DCBLD2: variants seen among roughly 807,000 people sequenced by gnomAD.
DCBLD2 encodes the protein discoidin, CUB and LCCL domain-containing protein 2.
A neutral mutation model predicts 86.8 loss-of-function variants in DCBLD2; 54 were observed. The ratio of observed to expected loss-of-function variants is 0.62; its 90% CI spans 0.50 to 0.78. The LOEUF is 0.78. Ranked by LOEUF, DCBLD2 falls within the 30% of genes least tolerant of loss-of-function variation. The pLI, the probability that DCBLD2 is intolerant of heterozygous loss-of-function variation, is 0.00. For missense variants in DCBLD2, 908 were observed against 954.2 expected, an observed-to-expected ratio of 0.95 and a Z score of 0.64; for synonymous variants, 354 against 341.3, an observed-to-expected ratio of 1.04 and a Z score of -0.41.
intron 1 of DCBLD2, chr3:98,900,665 TC>T (rs1305574560): frequency 5.4e-6 from 1 of 185,416 alleles, no homozygotes; most frequent in African/African-American, 2.4e-5. Flanking sequence ...CAGAAACTAT[TC>T]CATTCGCTTC....
chr3:98,870,727 A>AAAG (rs1943249327), intron 2 of DCBLD2, among the ~76,000 whole-genome samples: 4 of 84,808 alleles, frequency 4.7e-5, no homozygotes, highest in South Asian at 3.7e-4. Context: ...AAAGGAAAAG[A>AAAG]AAAGAAAGAA....
intron 2 of DCBLD2, among the ~76,000 whole-genome samples, chr3:98,855,433 C>T (rs551866323): frequency 1.6e-3 from 243 of 152,238 alleles, no homozygotes; most frequent in Non-Finnish European, 2.8e-3. Flanking sequence ...CATATGCAAC[C>T]CAGTGACCCA....
At chr3:98,882,791 T>A (rs1943494985) in intron 1 of DCBLD2, among the ~76,000 whole-genome samples, 1 of 152,240 alleles carries the variant, frequency 6.6e-6, no homozygotes, top group Admixed American at 6.5e-5. Flanking sequence ...ATGGTGTATA[T>A]GTGCCACATT....
At chr3:98,864,385 C>T (rs1023621217) in intron 2 of DCBLD2, among the ~76,000 whole-genome samples, 1 of 134,546 alleles carries the variant, frequency 7.4e-6, no homozygotes, top group African/African-American at 2.5e-5. Flanking sequence ...AATCATGTTG[C>T]TGTAAAGGCA....
chr3:98,800,853 CTTTTT>C (rs11374885), intron 14 of DCBLD2, 137 bp from the exon 15 acceptor site: 8 of 842,886 alleles, frequency 9.5e-6, no homozygotes, highest in South Asian at 1.9e-5. Context: ...TATAATCCAA[CTTTTT>C]TTTTTTTTTT....
chr3:98,868,705 T>C (rs1943205598), intron 2 of DCBLD2, among the ~76,000 whole-genome samples: 1 of 152,186 alleles, frequency 6.6e-6, no homozygotes. Context: ...CATATGGTAC[T>C]TGGTTTTCTG....
intron 2 of DCBLD2, among the ~76,000 whole-genome samples, chr3:98,867,750 T>C (rs1435198599): frequency 7.7e-6 from 1 of 130,660 alleles, no homozygotes; most frequent in Non-Finnish European, 1.7e-5. Context: ...AGTAAGGGAA[T>C]CATGGAAAAG....
At chr3:98,865,710 T>TA (rs1553730720) in intron 2 of DCBLD2, among the ~76,000 whole-genome samples, 1 of 151,818 alleles carries the variant, frequency 6.6e-6, no homozygotes, top group East Asian at 1.9e-4. Flanking sequence ...TTTTCTTTTT[T>TA]TATATATATA....
At chr3:98,867,165 G>T (rs1437755930) in intron 2 of DCBLD2, among the ~76,000 whole-genome samples, 1 of 152,158 alleles carries the variant, frequency 6.6e-6, no homozygotes, top group African/African-American at 2.4e-5. Flanking sequence ...TGTTCTTTTG[G>T]CTTAGGATTG....
At chr3:98,852,255 T>C (rs1479159918) in intron 2 of DCBLD2, among the ~76,000 whole-genome samples, 2 of 151,958 alleles carry the variant, frequency 1.3e-5, no homozygotes, top group Admixed American at 6.6e-5. Flanking sequence ...ATTTCTTTTT[T>C]TTTTTTTTTT....
In DCBLD2 at chr3:98,799,546, A is replaced by G. The variant is rs1389697089; in HGVS notation, c.2154T>C (p.Leu718=). ...AGGAGCAGCTGTCAGTCCTGGAGAG[A>G]AGTGTATTGTAAGTTCCCACTAGTG... The part of the protein sequence containing the change: ...PPPLVGTYNT[L]LSRTDSCSSA... The change falls in exon 16 of 16, where the codon CTT becomes CTC. Residue 718 remains leucine, a synonymous_variant. Coordinates refer to ENST00000326840, the MANE Select transcript of DCBLD2 (RefSeq NM_080927.4). 1 of 1,613,820 alleles carries G rather than the reference A, an allele frequency of 6.2e-7. No homozygotes were observed. The highest frequency in any genetic ancestry group is 8.5e-7 in the Non-Finnish European group (1 of 1,179,854).
In DCBLD2 at chr3:98,857,594, T is replaced by C. The variant is rs151216120; in HGVS notation, c.434-7996A>G. On this transcript the variant is annotated intron_variant, in intron 2 of 15. Coordinates refer to ENST00000326840, the MANE Select transcript of DCBLD2 (RefSeq NM_080927.4). ...AGATTAGCTAGACACAGAGTGTCGATTGGTGCATTCACAAACCCTGAGCTA... is the reference window on the plus strand; with the variant it reads ...AGATTAGCTAGACACAGAGTGTCGACTGGTGCATTCACAAACCCTGAGCTA... Among the ~76,000 whole-genome samples the C allele has an allele frequency of 7.7e-3, 1,175 of 152,318 alleles. 14 individuals carry two copies. The highest frequency in any genetic ancestry group is 0.027 in the African/African-American group (1,110 of 41,582).
chr3:98,874,747 G>A (rs1378027154), intron 2 of DCBLD2, among the ~76,000 whole-genome samples: 1 of 152,164 alleles, frequency 6.6e-6, no homozygotes, highest in Non-Finnish European at 1.5e-5. Flanking sequence ...TATAAGAAGA[G>A]ACATAAGAGA....
chr3:98,900,975 C>G lies in DCBLD2; in HGVS notation c.205+147G>C, dbSNP rs144280675. The G allele has an allele frequency of 3.2e-4, 444 of 1,397,016 alleles. 7 individuals carry two copies. In the East Asian group the frequency reaches 7.3e-3, roughly 23 times the overall value. The allele number at this position is 1,397,016 out of a possible 1,614,324, so 86.5% of individuals were successfully genotyped here. A position where few individuals can be genotyped will look rare whatever the true frequency, so the allele number is the denominator to read the frequency against. On this transcript the variant is annotated intron_variant, in intron 1 of 15. Transcript: ENST00000326840. The stretch of plus-strand genomic sequence containing the variant: ...GACGGGCAAGACCTTGCCTTTGCAA[C>G]TCAACCCCGTGAGTACCCAGCCAGG...
Position 98,822,215 on chromosome 3 carries a change from CA to C in DCBLD2, c.830+12del. The C allele has an allele frequency of 6.2e-7, 1 of 1,612,962 alleles. No homozygotes were observed. The highest frequency in any genetic ancestry group is 8.5e-7 in the Non-Finnish European group (1 of 1,179,234). ...TATATAGCATATATTTTTTAAATTG[CA>C]TATATACTTACACCACAGATGTGAC... On this transcript the variant is annotated intron_variant, in intron 6 of 15. Transcript: ENST00000326840.
At chr3:98,860,372 A>C (rs1943017832) in intron 2 of DCBLD2, among the ~76,000 whole-genome samples, 1 of 152,156 alleles carries the variant, frequency 6.6e-6, no homozygotes, top group Non-Finnish European at 1.5e-5. Flanking sequence ...AAATACAGAG[A>C]ATGCCACAAA....
intron 2 of DCBLD2, among the ~76,000 whole-genome samples, chr3:98,876,267 G>A (rs957308061): frequency 9.2e-5 from 14 of 151,622 alleles, no homozygotes; most frequent in African/African-American, 1.9e-4. Flanking sequence ...TGTGCCTGTC[G>A]TCCCAGCTAC....
At chr3:98,857,485 A>T (rs1047197105) in intron 2 of DCBLD2, among the ~76,000 whole-genome samples, 1 of 151,168 alleles carries the variant, frequency 6.6e-6, no homozygotes, top group African/African-American at 2.4e-5. Flanking sequence ...TTTTACAGAG[A>T]GCTTATTGGT....
intron 2 of DCBLD2, among the ~76,000 whole-genome samples, chr3:98,873,368 T>C (rs933303015): frequency 6.6e-6 from 1 of 152,102 alleles, no homozygotes; most frequent in African/African-American, 2.4e-5. Context: ...AGAGTAAACC[T>C]TCTCAAGTAT....
Sources: allele counts gnomAD v4.1 joint callset (sites outside exome capture counted in the v4.1 genomes callset), GRCh38; gene constraint gnomAD v4.1.1; transcripts MANE v1.5; gene names NCBI Gene and HGNC (gene_info 2026-07-23, HGNC 2026-07-21).